Variants in SYN3 observed in about 807,000 individuals in gnomAD.
SYN3 encodes the protein synapsin-3.
In SYN3, 35 loss-of-function variants were observed where a neutral mutation model predicts 65.8. The ratio of observed to expected loss-of-function variants is 0.53; its 90% CI spans 0.41 to 0.70. The LOEUF is 0.70. Ranked by LOEUF, SYN3 falls within the 30% of genes least tolerant of loss-of-function variation. SYN3 has a pLI of 0.00. For synonymous variants in SYN3, 270 were observed against 292.9 expected (o/e 0.92, Z 0.80); for missense variants, 680 against 749.0 (o/e 0.91, Z 1.08).
At chr22:32,960,092 C>T (rs942123368) in intron 3 of SYN3, among the ~76,000 whole-genome samples, 1 of 152,222 alleles carries the variant, frequency 6.6e-6, no homozygotes, top group African/African-American at 2.4e-5. Flanking sequence ...GGTATCATAA[C>T]TATGTCTTTC....
chr22:32,776,061 C>T (rs993693647), intron 6 of SYN3, among the ~76,000 whole-genome samples: 5 of 152,000 alleles, frequency 3.3e-5, no homozygotes, highest in Admixed American at 2.0e-4. Context: ...ATCTGGTGCC[C>T]GCAGAGAGAG....
intron 7 of SYN3, among the ~76,000 whole-genome samples, chr22:32,569,551 CTCTCTCTCTCTCTCTCTCTCTATA>C (rs1236515189): frequency 1.5e-4 from 10 of 68,520 alleles, no homozygotes; most frequent in South Asian, 8.8e-4. Context: ...CTCTCTCTCT[CTCTCTCTCTCTCTCTCTCTCTATA>C]TATATATATA....
intron 6 of SYN3, among the ~76,000 whole-genome samples, chr22:32,806,129 A>G (rs773071792): frequency 8.5e-5 from 13 of 152,088 alleles, no homozygotes; most frequent in Non-Finnish European, 1.9e-4. Context: ...TCTTCCCTTA[A>G]AGGTGGGATC....
intron 6 of SYN3, among the ~76,000 whole-genome samples, chr22:32,598,726 T>C (rs1411626181): frequency 6.6e-6 from 1 of 152,154 alleles, no homozygotes; most frequent in Non-Finnish European, 1.5e-5. Flanking sequence ...CCTCAGGTGA[T>C]CCGCCTGCCT....
intron 7 of SYN3, among the ~76,000 whole-genome samples, chr22:32,571,722 C>T (rs953742208): frequency 2.6e-5 from 4 of 152,134 alleles, no homozygotes; most frequent in African/African-American, 7.2e-5. Flanking sequence ...TTCTTCTCTG[C>T]CAGCCTTCCT....
At chr22:32,878,026 G>T (rs2146397648) in intron 4 of SYN3, among the ~76,000 whole-genome samples, 1 of 152,272 alleles carries the variant, frequency 6.6e-6, no homozygotes, top group Non-Finnish European at 1.5e-5. Context: ...TATTTTTCAA[G>T]AAACAAAGGC....
chr22:32,912,443 C>T (rs539331695), intron 4 of SYN3, among the ~76,000 whole-genome samples: 8 of 151,898 alleles, frequency 5.3e-5, no homozygotes, highest in South Asian at 2.1e-4. Context: ...TGGCTGGGCA[C>T]GGTGGCTCAC....
Position 32,837,415 on chromosome 22 carries a change from G to A in SYN3, c.711+27500C>T, listed in dbSNP as rs1195515406. On this transcript the variant is annotated intron_variant, in intron 6 of 13. Coordinates refer to ENST00000358763, the MANE Select transcript of SYN3 (RefSeq NM_003490.4). This position sits in a 1 kb window ranked among gnomAD's most constrained non-coding sequence, Gnocchi z 4.1. ...CCTGAGTGGGCTTGAGCTTTTGAGA[G>A]GTCAGCATGCCCCCTTAAACTTGAT... is the stretch of plus-strand genomic sequence containing the variant. Among the ~76,000 whole-genome samples, 1 of 152,078 alleles carries A rather than the reference G, an allele frequency of 6.6e-6. No homozygotes were observed. Among genetic ancestry groups the A allele is most frequent in the Admixed American group, 6.6e-5 (1 of 15,260 alleles).
intron 10 of SYN3, among the ~76,000 whole-genome samples, chr22:32,531,359 C>T (rs2058068482): frequency 6.6e-6 from 1 of 151,880 alleles, no homozygotes; most frequent in Admixed American, 6.6e-5. Flanking sequence ...GTCCTCTCTC[C>T]CCCTGCCCCT....
At chr22:33,008,324 C>T (rs1359002971) in intron 1 of SYN3, among the ~76,000 whole-genome samples, 1 of 152,140 alleles carries the variant, frequency 6.6e-6, no homozygotes, top group East Asian at 1.9e-4. Flanking sequence ...AATGTATATA[C>T]TGGTATAATG....
intron 6 of SYN3, among the ~76,000 whole-genome samples, chr22:32,600,529 G>A (rs954381475): frequency 6.6e-6 from 1 of 152,190 alleles, no homozygotes; most frequent in Non-Finnish European, 1.5e-5. Context: ...GGGTTCTGAA[G>A]GATGAGTAGG....
At chr22:32,581,453 G>A (rs756203226) in intron 7 of SYN3, among the ~76,000 whole-genome samples, 2 of 152,284 alleles carry the variant, frequency 1.3e-5, no homozygotes, top group Admixed American at 6.5e-5. Flanking sequence ...AAGATCGCAC[G>A]TCAAGTGCTC....
intron 7 of SYN3, among the ~76,000 whole-genome samples, chr22:32,550,364 T>TAAAAA (rs34370251): frequency 1.4e-5 from 2 of 144,540 alleles, no homozygotes; most frequent in Non-Finnish European, 1.5e-5. Flanking sequence ...TTAACCACAT[T>TAAAAA]AAAAAAAAAA....
chr22:32,974,614 T>A (rs952873564), intron 3 of SYN3, among the ~76,000 whole-genome samples: 1 of 152,132 alleles, frequency 6.6e-6, no homozygotes, highest in Non-Finnish European at 1.5e-5. Context: ...AACACACAAC[T>A]GGATCTCTTA....
At chr22:32,551,744 G>C (rs574406022) in intron 7 of SYN3, among the ~76,000 whole-genome samples, 178 of 152,240 alleles carry the variant, frequency 1.2e-3, no homozygotes, top group Non-Finnish European at 2.1e-3. Flanking sequence ...GCTTTTGTGT[G>C]TTAGAAATAT....
intron 7 of SYN3, among the ~76,000 whole-genome samples, chr22:32,590,706 C>T (rs1192832804): frequency 6.6e-6 from 1 of 152,174 alleles, no homozygotes; most frequent in Non-Finnish European, 1.5e-5. Context: ...TTAATTTTGG[C>T]TATTCTCGTG....
chr22:32,724,895 C>T (rs937080415), intron 6 of SYN3, among the ~76,000 whole-genome samples: 11 of 151,986 alleles, frequency 7.2e-5, no homozygotes, highest in African/African-American at 1.7e-4. Flanking sequence ...CTGAGGTGGG[C>T]GGATCATGAG....
chr22:32,842,435 A>C (rs1601516680), intron 6 of SYN3, among the ~76,000 whole-genome samples: 1 of 152,258 alleles, frequency 6.6e-6, no homozygotes, highest in East Asian at 1.9e-4. Context: ...CAGATATCTG[A>C]GAAGGACCTT....
At chr22:32,523,589 T>C (rs1301475388) in intron 12 of SYN3, among the ~76,000 whole-genome samples, 3 of 152,288 alleles carry the variant, frequency 2.0e-5, no homozygotes, top group Admixed American at 6.5e-5. Flanking sequence ...CTGCCCCATT[T>C]ACCAGCCATT....
Sources: gnomAD v4.1 joint callset for allele counts (sites outside exome capture counted in the v4.1 genomes callset) on GRCh38, gnomAD v4.1.1 for gene constraint, Gnocchi (gnomAD v3.1) non-coding constraint, MANE v1.5 for transcripts, NCBI Gene and HGNC (gene_info 2026-07-23, HGNC 2026-07-21) for gene names.